The following EYA1 variants were observed in gnomAD, a reference collection of about 807,000 sequenced individuals.
The protein encoded by EYA1 is EYA transcriptional coactivator and phosphatase 1.
A neutral mutation model predicts 82.0 loss-of-function variants in EYA1; 16 were observed. That is an observed-to-expected ratio of 0.20 (90% CI 0.13 to 0.30). The LOEUF (loss-of-function observed/expected upper bound fraction) is 0.30, where lower values mean the gene tolerates loss of function less well. Among genes scored for constraint, EYA1 ranks in the 10% least tolerant of loss-of-function variants. EYA1 has a pLI of 1.00. For missense variants in EYA1, 633 were observed against 730.7 expected (o/e 0.87, Z 1.54); for synonymous variants, 261 against 264.4 (o/e 0.99, Z 0.12).
chr8:71,417,496 G>A (rs889080386), intron 2 of EYA1, among the ~76,000 whole-genome samples: 47 of 152,116 alleles, frequency 3.1e-4, no homozygotes, highest in African/African-American at 1.1e-3. Flanking sequence ...CCATTATATC[G>A]ATGTATCAAA....
At chr8:71,237,960 T>C (rs1266812416) in intron 12 of EYA1, among the ~76,000 whole-genome samples, 3 of 152,198 alleles carry the variant, frequency 2.0e-5, no homozygotes, top group Non-Finnish European at 2.9e-5. Flanking sequence ...TTTATTGTTA[T>C]AAATTCTTGC....
rs201950125 is a variant in EYA1 at position 71,523,173 on chromosome 8, C to CTTTTTTTTTTT, written c.33+12570_33+12571insAAAAAAAAAAA. ...TTCAGCTCTTTTTCTTTTCTTTTTT[C>CTTTTTTTTTTT]TTTTTCTTTTTTTTTTTTTTTTTGA... On this transcript the variant is annotated intron_variant, in intron 2 of 18. Coordinates refer to the EYA1 transcript ENST00000643681. 2.4e-3 allele frequency among the ~76,000 whole-genome samples: 261 copies of CTTTTTTTTTTT among 110,824 alleles called. 23 individuals are homozygous for CTTTTTTTTTTT. The highest frequency in any genetic ancestry group is 6.4e-3 in the African/African-American group (172 of 26,900). 72.7% of individuals were successfully genotyped at this position (110,824 alleles called of 152,430 possible).
chr8:71,398,848 C>T (rs1829784830), intron 2 of EYA1, among the ~76,000 whole-genome samples: 1 of 152,228 alleles, frequency 6.6e-6, no homozygotes, highest in Non-Finnish European at 1.5e-5. Context: ...TTTAAGTCTG[C>T]AGAGGTTTCT....
intron 4 of EYA1, among the ~76,000 whole-genome samples, chr8:71,327,263 G>T (rs1036388675): frequency 2.0e-5 from 3 of 152,184 alleles, no homozygotes; most frequent in Non-Finnish European, 2.9e-5. Context: ...ATTGTTGAAT[G>T]AACGAATCAG....
intron 12 of EYA1, among the ~76,000 whole-genome samples, chr8:71,231,561 A>G (rs915946049): frequency 2.6e-4 from 39 of 152,288 alleles, no homozygotes; most frequent in African/African-American, 9.4e-4. Context: ...GCTAATGACC[A>G]CAGACATCTC....
chr8:71,299,346 A>G (rs1215877139), intron 8 of EYA1, 113 bp from the exon 9 acceptor site: 7 of 1,016,126 alleles, frequency 6.9e-6, no homozygotes, highest in African/African-American at 1.6e-5. Flanking sequence ...CTGAATTCAC[A>G]CGGGGGCATA....
At chr8:71,229,265 C>T (rs1454066907) in intron 12 of EYA1, among the ~76,000 whole-genome samples, 1 of 152,028 alleles carries the variant, frequency 6.6e-6, no homozygotes, top group African/African-American at 2.4e-5. Flanking sequence ...GTTTCTTTCC[C>T]TTCTCCATCC....
chr8:71,507,649 C>T (rs1217065419), intron 2 of EYA1, among the ~76,000 whole-genome samples: 2 of 152,160 alleles, frequency 1.3e-5, no homozygotes, highest in Non-Finnish European at 1.5e-5. Context: ...ATGTCACAGC[C>T]ATTCGGTAGA....
chr8:71,209,355 G>T (rs1585776486), intron 17 of EYA1, among the ~76,000 whole-genome samples: 1 of 152,252 alleles, frequency 6.6e-6, no homozygotes, highest in East Asian at 1.9e-4. Flanking sequence ...TTGGTCGTCG[G>T]TGAAGTGGGA....
rs574515510 is a variant in EYA1 at position 71,207,536 on chromosome 8, G to GTCACGTACAGTCA, written c.1698+3607_1698+3619dup. On this transcript the variant is annotated intron_variant, in intron 17 of 17. Transcript: ENST00000340726. Reference sequence around the variant, plus strand: ...TTGCAGCAGATATTTTTGGACTCTTGTCACGTACAGTCATCCATGAAATAA... The same window carrying GTCACGTACAGTCA: ...TTGCAGCAGATATTTTTGGACTCTTGTCACGTACAGTCATCACGTACAGTCATCCATGAAATAA... Among the ~76,000 whole-genome samples the GTCACGTACAGTCA allele has an allele frequency of 2.0e-4, 31 of 152,224 alleles. No homozygotes were observed. The South Asian group carries it at 6.2e-3, about 31-fold the overall frequency.
chr8:71,332,897 A>C (rs768728538), intron 4 of EYA1, among the ~76,000 whole-genome samples: 16 of 152,030 alleles, frequency 1.1e-4, no homozygotes, highest in Admixed American at 2.0e-4. Context: ...TTTGTCCAGC[A>C]TCTCTCTCTC....
At chr8:71,238,545 T>C (rs1812113171) in intron 12 of EYA1, among the ~76,000 whole-genome samples, 1 of 152,146 alleles carries the variant, frequency 6.6e-6, no homozygotes, top group Non-Finnish European at 1.5e-5. Flanking sequence ...AAATACTTCT[T>C]ATAAGGTTTC....
chr8:71,211,368 C>G (rs1469241907), intron 16 of EYA1, 112 bp from the exon 17 acceptor site: 1 of 723,308 alleles, frequency 1.4e-6, no homozygotes, highest in Non-Finnish European at 2.5e-6. Flanking sequence ...GAATGCCCCA[C>G]TAGTACCTCT....
At chr8:71,400,050 T>G (rs1476834093) in intron 2 of EYA1, among the ~76,000 whole-genome samples, 1 of 152,174 alleles carries the variant, frequency 6.6e-6, no homozygotes, top group Non-Finnish European at 1.5e-5. Flanking sequence ...GGGGAAAGGA[T>G]TCCCTATTCC....
At chr8:71,259,440 G>A (rs954908391) in intron 11 of EYA1, among the ~76,000 whole-genome samples, 2 of 152,128 alleles carry the variant, frequency 1.3e-5, no homozygotes, top group Non-Finnish European at 2.9e-5. Context: ...ACAGTATTCT[G>A]GCAAAATGCA....
chr8:71,261,428 T>C (rs541157913), intron 11 of EYA1, among the ~76,000 whole-genome samples: 2 of 152,190 alleles, frequency 1.3e-5, no homozygotes, highest in East Asian at 1.9e-4. Context: ...TGTATACACA[T>C]AAAAAATAAA....
intron 2 of EYA1, among the ~76,000 whole-genome samples, chr8:71,509,923 T>C (rs1476697300): frequency 6.6e-6 from 1 of 151,990 alleles, no homozygotes; most frequent in Non-Finnish European, 1.5e-5. Flanking sequence ...CAGAATGCTA[T>C]GGGAATTCAG....
intron 2 of EYA1, among the ~76,000 whole-genome samples, chr8:71,395,263 C>T: frequency 6.6e-6 from 1 of 152,196 alleles, no homozygotes; most frequent in East Asian, 1.9e-4. Flanking sequence ...TTCCTCTTTT[C>T]CTAATTGAAT....
At chr8:71,242,001 G>C (rs1812529281) in intron 12 of EYA1, among the ~76,000 whole-genome samples, 1 of 152,142 alleles carries the variant, frequency 6.6e-6, no homozygotes, top group Non-Finnish European at 1.5e-5. Context: ...CTGAGGTCAG[G>C]AGTTTGAGAC....
Sources: gnomAD v4.1 joint callset for allele counts (sites outside exome capture counted in the v4.1 genomes callset) on GRCh38, gnomAD v4.1.1 for gene constraint, MANE v1.5 for transcripts, NCBI Gene and HGNC (gene_info 2026-07-23, HGNC 2026-07-21) for gene names.